The following GPR149 variants were observed in gnomAD, a reference collection of about 807,000 sequenced individuals.
GPR149 encodes probable G protein-coupled receptor 149.
Under a neutral mutation model 50.2 loss-of-function variants are expected in GPR149, and 50 were observed. That is an observed-to-expected ratio of 1.00 (90% CI 0.79 to 1.26). The LOEUF is 1.26. GPR149 is among the 50% of genes most tolerant of loss of function. GPR149 has a pLI of 0.00. For missense variants in GPR149, 983 were observed against 895.4 expected, an observed-to-expected ratio of 1.10 and a Z score of -1.25; for synonymous variants, 405 against 358.2, an observed-to-expected ratio of 1.13 and a Z score of -1.48.
chr3:154,378,296 G>T (rs568227026), intron 3 of GPR149, among the ~76,000 whole-genome samples: 9 of 151,982 alleles, frequency 5.9e-5, no homozygotes, highest in Middle Eastern at 3.4e-3. Flanking sequence ...GTTTCACCAT[G>T]TTGGCCAGGC....
rs562934801 is a variant in GPR149, at chr3:154,383,898, C to T, written c.1623+37141G>A. On this transcript the variant is annotated intron_variant, in intron 3 of 3. Coordinates refer to ENST00000389740, the MANE Select transcript of GPR149 (RefSeq NM_001038705.3). ...ACCATGCGACGACACAGTGAGAAGACGGTTGTCTCTGAACTAAAAAGCAGA... is the reference window on the plus strand; with the variant it reads ...ACCATGCGACGACACAGTGAGAAGATGGTTGTCTCTGAACTAAAAAGCAGA... Among the ~76,000 whole-genome samples, 31 of 152,178 alleles carry T rather than the reference C, an allele frequency of 2.0e-4. No homozygotes were observed. The East Asian group carries it at 3.9e-3, about 19-fold the overall frequency.
intron 3 of GPR149, among the ~76,000 whole-genome samples, chr3:154,339,388 C>A (rs976460945): frequency 6.6e-6 from 1 of 152,166 alleles, no homozygotes; most frequent in African/African-American, 2.4e-5. Context: ...TAAACAGACA[C>A]TTTTTATATA....
chr3:154,400,962 C>T (rs1190247383), intron 3 of GPR149, among the ~76,000 whole-genome samples: 2 of 152,182 alleles, frequency 1.3e-5, no homozygotes, highest in Non-Finnish European at 2.9e-5. Context: ...TAGACTTTTA[C>T]ACTAAAATAT....
intron 1 of GPR149, 103 bp downstream of exon 1, chr3:154,428,531 CT>C: frequency 7.9e-7 from 1 of 1,271,134 alleles, no homozygotes; most frequent in Non-Finnish European, 1.1e-6. Flanking sequence ...GCGGACTTCA[CT>C]GTGTGTCTCT....
At chr3:154,375,937 T>C (rs988425847) in intron 3 of GPR149, among the ~76,000 whole-genome samples, 2 of 152,230 alleles carry the variant, frequency 1.3e-5, no homozygotes, top group African/African-American at 4.8e-5. Flanking sequence ...ATGCTCCTGC[T>C]TTCAGGGCCT....
intron 3 of GPR149, among the ~76,000 whole-genome samples, chr3:154,407,719 C>CAT (rs1553766409): frequency 3.3e-5 from 5 of 150,370 alleles, no homozygotes; most frequent in Non-Finnish European, 4.4e-5. Context: ...CACACACACA[C>CAT]ATATATATAT....
intron 3 of GPR149, among the ~76,000 whole-genome samples, chr3:154,393,817 A>G (rs1715224896): frequency 6.6e-6 from 1 of 152,052 alleles, no homozygotes; most frequent in Non-Finnish European, 1.5e-5. Context: ...AATCCTGTTT[A>G]CAATAGCATC....
chr3:154,379,629 G>T (rs1411238797), intron 3 of GPR149, among the ~76,000 whole-genome samples: 1 of 152,030 alleles, frequency 6.6e-6, no homozygotes, highest in Non-Finnish European at 1.5e-5. Context: ...TATGAGGAAA[G>T]GGCCTAAGTT....
At chr3:154,352,730 C>T (rs1487649627) in intron 3 of GPR149, 34 of 786,920 alleles carry the variant, frequency 4.3e-5, no homozygotes, top group African/African-American at 1.2e-4. Flanking sequence ...GCATAAGAAA[C>T]GGAAGTCAGA....
chr3:154,423,433 A>C (rs905967688), intron 2 of GPR149, among the ~76,000 whole-genome samples: 11 of 151,910 alleles, frequency 7.2e-5, no homozygotes, highest in African/African-American at 2.7e-4. Context: ...CCATGAAAGA[A>C]TTATGTTAAT....
chr3:154,347,083 T>C (rs910994428), intron 3 of GPR149, among the ~76,000 whole-genome samples: 6 of 152,164 alleles, frequency 3.9e-5, no homozygotes, highest in Admixed American at 3.3e-4. Flanking sequence ...AGATAGTAAT[T>C]ATCCTGAACT....
chr3:154,349,058 A>C (rs1714002714), intron 3 of GPR149, among the ~76,000 whole-genome samples: 1 of 152,124 alleles, frequency 6.6e-6, no homozygotes, highest in African/African-American at 2.4e-5. Flanking sequence ...GGGAAATAAA[A>C]AAAAAAGTGA....
chr3:154,359,403 T>C (rs933840334), intron 3 of GPR149, among the ~76,000 whole-genome samples: 1 of 152,138 alleles, frequency 6.6e-6, no homozygotes, highest in Non-Finnish European at 1.5e-5. Context: ...AATCTTCTCA[T>C]AGGCAGAATC....
intron 3 of GPR149, among the ~76,000 whole-genome samples, chr3:154,413,575 G>C (rs1438018319): frequency 2.6e-5 from 4 of 151,808 alleles, no homozygotes; most frequent in Non-Finnish European, 5.9e-5. Flanking sequence ...CTAATGATCA[G>C]GGAAATGCAA....
chr3:154,389,873 G>A (rs1259632548), intron 3 of GPR149, among the ~76,000 whole-genome samples: 3 of 152,200 alleles, frequency 2.0e-5, no homozygotes, highest in African/African-American at 7.2e-5. Flanking sequence ...TCAATGCAAA[G>A]TGTTTGGGTA....
chr3:154,346,002 G>T (rs701137), intron 3 of GPR149, among the ~76,000 whole-genome samples: 67,646 of 152,008 alleles, frequency 0.45, 15,265 homozygotes, highest in East Asian at 0.5. Flanking sequence ...GTATCATGTT[G>T]TTATTTTAAA....
intron 3 of GPR149, among the ~76,000 whole-genome samples, chr3:154,405,506 T>G (rs1487929592): frequency 2.1e-5 from 3 of 146,140 alleles, no homozygotes; most frequent in African/African-American, 7.6e-5. Flanking sequence ...GAAAATCACT[T>G]GAACCTGGGA....
At chr3:154,391,654 T>A (rs908892682) in intron 3 of GPR149, among the ~76,000 whole-genome samples, 5 of 151,774 alleles carry the variant, frequency 3.3e-5, no homozygotes, top group African/African-American at 1.2e-4. Flanking sequence ...AAAGACATAA[T>A]GTAGCTGAAT....
chr3:154,389,894 T>G (rs1715126222), intron 3 of GPR149, among the ~76,000 whole-genome samples: 1 of 152,218 alleles, frequency 6.6e-6, no homozygotes, highest in South Asian at 2.1e-4. Flanking sequence ...GGAAAAATCC[T>G]TAGCTCCAGA....
Sources: gnomAD v4.1 joint callset for allele counts (sites outside exome capture counted in the v4.1 genomes callset) on GRCh38, gnomAD v4.1.1 for gene constraint, MANE v1.5 for transcripts, NCBI Gene and HGNC (gene_info 2026-07-23, HGNC 2026-07-21) for gene names.